Variants in PTPRK observed in about 807,000 individuals in gnomAD.
PTPRK encodes receptor-type tyrosine-protein phosphatase kappa.
PTPRK carries 75 observed loss-of-function variants against 178.0 expected under a neutral mutation model. That is an observed-to-expected ratio of 0.42 (90% CI 0.35 to 0.51). PTPRK has a LOEUF of 0.51. PTPRK is among the 20% of genes least tolerant of loss of function. The probability of loss-of-function intolerance (pLI) is 0.02; values close to 1 mark genes in which losing one functional copy is unlikely to be tolerated. For synonymous variants in PTPRK, 637 were observed against 620.6 expected (o/e 1.03, Z -0.39); for missense variants, 1,441 against 1,797.8 (o/e 0.80, Z 3.59).
In PTPRK at chr6:128,195,330, C is replaced by G. The variant is rs182075957; in HGVS notation, c.869-10605G>C. On this transcript the variant is annotated intron_variant, in intron 6 of 29. Coordinates refer to ENST00000368226, the MANE Select transcript of PTPRK (RefSeq NM_002844.4). Reference sequence around the variant, plus strand: ...ATAAATACATACTTTGTAATCATTTCAAGTCAATACCAAATAACGAAGTCA... The same window carrying G: ...ATAAATACATACTTTGTAATCATTTGAAGTCAATACCAAATAACGAAGTCA... 1.7e-3 allele frequency among the ~76,000 whole-genome samples: 259 copies of G among 152,036 alleles called. 5 individuals carry two copies. The highest frequency in any genetic ancestry group is 5.9e-3 in the African/African-American group (246 of 41,402).
chr6:128,334,858 G>C (rs114777599), intron 2 of PTPRK, among the ~76,000 whole-genome samples: 1,961 of 152,254 alleles, frequency 0.013, 42 homozygotes, highest in African/African-American at 0.045. Context: ...TGGGGGCTGA[G>C]GAGGACTGTT....
intron 23 of PTPRK, 106 bp downstream of exon 23, chr6:127,983,136 A>G (rs1775547509): frequency 7.6e-7 from 1 of 1,312,386 alleles, no homozygotes; most frequent in Non-Finnish European, 1.0e-6. Flanking sequence ...TTACACATGA[A>G]AAACATCTCT....
chr6:127,983,364 G>A lies in PTPRK; in HGVS notation c.3265C>T (p.Arg1089Ter). The part of the protein sequence containing the change: ...IVVHCSAGAG[R>*]TGCYIVIDIM... ...TCAATCACAATGTAGCAGCCAGTTC[G>A]TCCAGCACCAGCACTGAAAAACAAT... Residue 1089 changes from arginine to a stop codon, truncating the protein, a stop_gained, in exon 23 of 30, where the codon CGA becomes TGA. Transcript: ENST00000368226. LOFTEE classifies it high-confidence loss of function. 3 of 1,613,378 alleles carry A rather than the reference G, an allele frequency of 1.9e-6. No homozygotes were observed. The highest frequency in any genetic ancestry group is 1.1e-5 in the South Asian group (1 of 91,004).
chr6:128,143,174 T>C (rs1461054393), intron 7 of PTPRK, among the ~76,000 whole-genome samples: 2 of 152,140 alleles, frequency 1.3e-5, no homozygotes, highest in East Asian at 1.9e-4. Flanking sequence ...CAGCAAAAGA[T>C]TGACATTGAA....
chr6:128,214,491 G>A (rs1419392657), intron 6 of PTPRK, among the ~76,000 whole-genome samples: 1 of 152,024 alleles, frequency 6.6e-6, no homozygotes, highest in Non-Finnish European at 1.5e-5. Context: ...GGAGTCCTGT[G>A]TACAAAAGCT....
chr6:128,184,711 T>G lies in PTPRK; in HGVS notation c.883A>C (p.Ile295Leu), dbSNP rs1213891749. The G allele has an allele frequency of 6.2e-7, 1 of 1,613,574 alleles. No individual in the cohort carries two copies. Among genetic ancestry groups the G allele is most frequent in the East Asian group, 2.2e-5 (1 of 44,858 alleles). Reference sequence around the variant, plus strand: ...ACACCAAGAAGCTGAGGAGGAGCAATGGGTCTTGGCGGTTCTAGGAGAGAT... The same window carrying G: ...ACACCAAGAAGCTGAGGAGGAGCAAGGGGTCTTGGCGGTTCTAGGAGAGAT... ...QLIVREPPRP[I>L]APPQLLGVGP... The change falls in exon 7 of 30, where the codon ATT (isoleucine) becomes CTT (leucine). Residue 295 changes from isoleucine (I) to leucine (L), a missense_variant. Around this residue, in one of 4 missense-constraint regions of PTPRK, gnomAD observed 945 missense variants for 1,080.6 expected, o/e 0.87. Coordinates refer to ENST00000368226, the MANE Select transcript of PTPRK (RefSeq NM_002844.4).
chr6:128,003,306 AG>A, intron 15 of PTPRK: 1 of 1,284,110 alleles, frequency 7.8e-7, no homozygotes, highest in South Asian at 1.3e-5. Context: ...TCTTTAAAAT[AG>A]ATTTATGCTT....
At chr6:128,050,751 G>T (rs1307004566) in intron 13 of PTPRK, among the ~76,000 whole-genome samples, 2 of 152,106 alleles carry the variant, frequency 1.3e-5, no homozygotes, top group Non-Finnish European at 2.9e-5. Flanking sequence ...ATATTGCCCA[G>T]GCTGATCTTG....
intron 7 of PTPRK, among the ~76,000 whole-genome samples, chr6:128,141,640 T>A (rs1343135882): frequency 6.6e-6 from 1 of 151,868 alleles, no homozygotes; most frequent in African/African-American, 2.4e-5. Flanking sequence ...ATTTTGACTA[T>A]CTTTTAAACA....
chr6:128,482,493 T>G (rs1852225851), intron 1 of PTPRK, among the ~76,000 whole-genome samples: 1 of 152,030 alleles, frequency 6.6e-6, no homozygotes. Context: ...TAAAATAAAA[T>G]TTATACACCA....
intron 15 of PTPRK, among the ~76,000 whole-genome samples, chr6:128,002,230 CATTG>C (rs1777909763): frequency 6.6e-6 from 1 of 151,440 alleles, no homozygotes; most frequent in Admixed American, 6.6e-5. Flanking sequence ...TGCAATTGAA[CATTG>C]ATTGTATGTA....
At chr6:128,284,860 T>C (rs544472214) in intron 3 of PTPRK, among the ~76,000 whole-genome samples, 1 of 152,320 alleles carries the variant, frequency 6.6e-6, no homozygotes, top group Non-Finnish European at 1.5e-5. Flanking sequence ...ATGTGGGGTC[T>C]GTTGTCAACT....
In PTPRK at chr6:127,981,102, G is replaced by A. The variant is rs753100178; in HGVS notation, c.3711+14C>T. 9 of 1,610,580 alleles carry A rather than the reference G, an allele frequency of 5.6e-6. No homozygotes were observed. The highest frequency in any genetic ancestry group is 7.6e-6 in the Non-Finnish European group (9 of 1,177,468). ...CCACAACACTCTACACTAACAAAGAGGGCAGTCTCTTACGTCCATAAGAGC... is the reference window on the plus strand; with the variant it reads ...CCACAACACTCTACACTAACAAAGAAGGCAGTCTCTTACGTCCATAAGAGC... On this transcript the variant is annotated intron_variant, in intron 25 of 29. Transcript: ENST00000368226.
At chr6:128,228,098 C>A (rs1811666560) in intron 5 of PTPRK, among the ~76,000 whole-genome samples, 1 of 149,416 alleles carries the variant, frequency 6.7e-6, no homozygotes, top group Admixed American at 6.7e-5. Flanking sequence ...GCACATGTAC[C>A]CCAGAACTTA....
intron 3 of PTPRK, among the ~76,000 whole-genome samples, chr6:128,257,801 C>T (rs540560449): frequency 6.6e-6 from 1 of 151,864 alleles, no homozygotes; most frequent in African/African-American, 2.4e-5. Context: ...ACTTTTCACC[C>T]CTTTCAATTT....
chr6:128,021,529 G>C (rs767181491), intron 13 of PTPRK, among the ~76,000 whole-genome samples: 1 of 152,074 alleles, frequency 6.6e-6, no homozygotes, highest in Non-Finnish European at 1.5e-5. Context: ...CCAGCTACTC[G>C]GGAGGGAGGC....
intron 1 of PTPRK, among the ~76,000 whole-genome samples, chr6:128,498,984 T>C (rs1855141610): frequency 1.3e-5 from 2 of 152,216 alleles, no homozygotes; most frequent in South Asian, 2.1e-4. Flanking sequence ...TCACAATAGG[T>C]ATTTCAACGT....
At chr6:128,280,385 G>A (rs1383902782) in intron 3 of PTPRK, among the ~76,000 whole-genome samples, 2 of 152,114 alleles carry the variant, frequency 1.3e-5, no homozygotes, top group Non-Finnish European at 2.9e-5. Flanking sequence ...GATCTCAGTA[G>A]CAAGAAAATT....
At chr6:128,006,818 C>G (rs1017929458) in intron 14 of PTPRK, among the ~76,000 whole-genome samples, 11 of 150,806 alleles carry the variant, frequency 7.3e-5, no homozygotes, top group Non-Finnish European at 4.5e-5. Flanking sequence ...GATGCAATAT[C>G]CCTTTTCTTA....
Sources: gnomAD v4.1 joint callset for allele counts (sites outside exome capture counted in the v4.1 genomes callset) on GRCh38, gnomAD v4.1.1 for gene constraint, gnomAD v4.1.1 regional missense constraint, MANE v1.5 for transcripts, NCBI Gene and HGNC (gene_info 2026-07-23, HGNC 2026-07-21) for gene names.